The following CPXM2 variants were observed in gnomAD, a reference collection of about 807,000 sequenced individuals.
CPXM2 encodes the protein carboxypeptidase X, M14 family member 2.
Under a neutral mutation model 86.1 loss-of-function variants are expected in CPXM2, and 66 were observed. The ratio of observed to expected loss-of-function variants is 0.77; its 90% CI spans 0.63 to 0.94. CPXM2 has a LOEUF of 0.94. CPXM2 is among the 40% of genes least tolerant of loss of function. The pLI is 0.00. For synonymous variants in CPXM2, 388 were observed against 400.2 expected (o/e 0.97, Z 0.36); for missense variants, 948 against 1,026.3 (o/e 0.92, Z 1.04).
intron 3 of CPXM2, among the ~76,000 whole-genome samples, chr10:123,861,484 A>G (rs1045516435): frequency 6.6e-6 from 1 of 152,182 alleles, no homozygotes; most frequent in African/African-American, 2.4e-5. Flanking sequence ...GAACCTGTGC[A>G]TATATTAGAT....
At chr10:123,799,471 C>A (rs1847405745) in intron 4 of CPXM2, among the ~76,000 whole-genome samples, 1 of 152,200 alleles carries the variant, frequency 6.6e-6, no homozygotes, top group African/African-American at 2.4e-5. Context: ...TCACTTAGAA[C>A]AAGGCCTAGC....
rs781155643 is a variant in CPXM2, at chr10:123,762,021, G to T, written c.1628C>A (p.Pro543His). Residue 543 changes from proline to histidine, a missense_variant, in exon 11 of 14, where the codon CCC (proline) becomes CAC (histidine). Physicochemically the swap from Pro to His is moderately conservative, Grantham distance 77. Transcript: ENST00000241305. ...PWKTQEHTPT[P>H]DDHVFRWLAY... ...CAGCCAGCGGAACACGTGGTCGTCGGGGGTGGGGGTGTGTTCCTGCGTCTT... is the reference window on the plus strand; with the variant it reads ...CAGCCAGCGGAACACGTGGTCGTCGTGGGTGGGGGTGTGTTCCTGCGTCTT... The T allele has an allele frequency of 6.2e-7, 1 of 1,612,252 alleles. No individual in the cohort carries two copies. Among genetic ancestry groups the T allele is most frequent in the East Asian group, 2.2e-5 (1 of 44,866 alleles).
In CPXM2 at chr10:123,817,699, T is replaced by C. The variant is rs528700588; in HGVS notation, c.654-18500A>G. ...TGGTCTCCACTCCTGCCACCCTGCC[T>C]TCTCTCCCCCAGACTGCATCGATAG... On this transcript the variant is annotated intron_variant, in intron 4 of 13. Transcript: ENST00000241305. Among the ~76,000 whole-genome samples the C allele has an allele frequency of 4.6e-5, 7 of 152,304 alleles. No homozygotes were observed. In the South Asian group the frequency reaches 1.5e-3, roughly 32 times the overall value.
chr10:123,857,078 G>A (rs1848741865), intron 3 of CPXM2, among the ~76,000 whole-genome samples: 3 of 152,152 alleles, frequency 2.0e-5, no homozygotes, highest in Admixed American at 1.3e-4. Flanking sequence ...TCATAGGTGA[G>A]GGGCCGAACT....
intron 2 of CPXM2, among the ~76,000 whole-genome samples, chr10:123,936,260 A>G (rs2134291508): frequency 6.6e-6 from 1 of 152,322 alleles, no homozygotes; most frequent in East Asian, 1.9e-4. Flanking sequence ...TTCCAAAGCC[A>G]CCAGGGAGTA....
In CPXM2 at chr10:123,815,360, G is replaced by A. The variant is rs570936063; in HGVS notation, c.654-16161C>T. ...CTCTCATCATGTGAGTGGCTGACCT[G>A]CAATGAAAGGTGCATACACAGCCTC... On this transcript the variant is annotated intron_variant, in intron 4 of 13. Coordinates refer to ENST00000241305, the MANE Select transcript of CPXM2 (RefSeq NM_198148.3). Among the ~76,000 whole-genome samples, 21 of 152,284 alleles carry A rather than the reference G, an allele frequency of 1.4e-4. 1 individual carries two copies. Among genetic ancestry groups the A allele is most frequent in the Middle Eastern group, 3.4e-3 (1 of 294 alleles).
intron 4 of CPXM2, among the ~76,000 whole-genome samples, chr10:123,832,537 TG>T (rs1465016030): frequency 2.0e-5 from 3 of 151,446 alleles, no homozygotes; most frequent in African/African-American, 4.9e-5. Context: ...TATTAAGAGG[TG>T]GGGGTAGGCT....
intron 2 of CPXM2, among the ~76,000 whole-genome samples, chr10:123,920,073 A>T (rs368194493): frequency 6.6e-6 from 1 of 152,168 alleles, no homozygotes; most frequent in African/African-American, 2.4e-5. Flanking sequence ...GCAGGGGATA[A>T]ATTTCAACAT....
chr10:123,860,022 G>A (rs1848818967), intron 3 of CPXM2, among the ~76,000 whole-genome samples: 1 of 152,174 alleles, frequency 6.6e-6, no homozygotes, highest in African/African-American at 2.4e-5. Context: ...TGTTGCAGGT[G>A]CTATTCTGCA....
intron 3 of CPXM2, among the ~76,000 whole-genome samples, chr10:123,858,605 G>C (rs1275499500): frequency 6.6e-6 from 1 of 152,184 alleles, no homozygotes; most frequent in Non-Finnish European, 1.5e-5. Context: ...CCCTGTGTCT[G>C]TTTTTCTATA....
intron 2 of CPXM2, among the ~76,000 whole-genome samples, chr10:123,902,254 C>G (rs1297230485): frequency 6.6e-6 from 1 of 152,196 alleles, no homozygotes; most frequent in Non-Finnish European, 1.5e-5. Flanking sequence ...GGGGAGTAAT[C>G]TGACATGGGC....
chr10:123,917,503 C>T (rs1000725243), intron 2 of CPXM2, among the ~76,000 whole-genome samples: 5 of 152,178 alleles, frequency 3.3e-5, no homozygotes, highest in South Asian at 2.1e-4. Flanking sequence ...ATTCATTTGA[C>T]GTTTTTCTTG....
At chr10:123,938,470 G>C (rs1487160165) in intron 2 of CPXM2, among the ~76,000 whole-genome samples, 2 of 152,172 alleles carry the variant, frequency 1.3e-5, no homozygotes, top group African/African-American at 2.4e-5. Flanking sequence ...GAGAGGAGGA[G>C]AGTAGCTCTT....
intron 2 of CPXM2, among the ~76,000 whole-genome samples, chr10:123,929,920 C>T (rs369440079): frequency 5.9e-5 from 9 of 152,346 alleles, no homozygotes; most frequent in Middle Eastern, 3.4e-3. Context: ...TTGGGTAGGG[C>T]GTCCCTGGTG....
At chr10:123,795,746 C>G (rs1333048179) in intron 6 of CPXM2, among the ~76,000 whole-genome samples, 1 of 152,072 alleles carries the variant, frequency 6.6e-6, no homozygotes, top group Non-Finnish European at 1.5e-5. Flanking sequence ...GAAAATAGAA[C>G]CATTCTGAGT....
At chr10:123,919,017 C>T (rs1590122113) in intron 2 of CPXM2, among the ~76,000 whole-genome samples, 1 of 149,660 alleles carries the variant, frequency 6.7e-6, no homozygotes, top group African/African-American at 2.5e-5. Flanking sequence ...GAAGAGGAGG[C>T]AGCTGAAGAA....
At chr10:123,931,943 A>G (rs1251938706) in intron 2 of CPXM2, among the ~76,000 whole-genome samples, 2 of 152,228 alleles carry the variant, frequency 1.3e-5, no homozygotes, top group African/African-American at 4.8e-5. Flanking sequence ...TGGATGCTTT[A>G]CTATGAAGTA....
chr10:123,780,827 A>G (rs920720504), intron 6 of CPXM2, among the ~76,000 whole-genome samples: 4 of 152,142 alleles, frequency 2.6e-5, no homozygotes, highest in African/African-American at 9.7e-5. Flanking sequence ...CCCCAGCTCC[A>G]GGGCTCCAAC....
rs1845982662 is a variant in CPXM2, at chr10:123,746,959, C to A, written c.2076G>T (p.Lys692Asn). ...TGGTGGATGCAGTGAAACCTTCGGC[C>A]TTTGCTGTGACCACATACTCTCCAG... ...LNPGEYVVTA[K>N]AEGFTASTKN... Residue 692 changes from lysine to asparagine, a missense_variant, in exon 14 of 14, where the codon AAG becomes AAT. Transcript: ENST00000241305. The A allele has an allele frequency of 6.2e-7, 1 of 1,614,198 alleles. No individual in the cohort carries two copies. The highest frequency in any genetic ancestry group is 8.5e-7 in the Non-Finnish European group (1 of 1,180,036).
Sources: allele counts gnomAD v4.1 joint callset (sites outside exome capture counted in the v4.1 genomes callset), GRCh38; gene constraint gnomAD v4.1.1; transcripts MANE v1.5; gene names NCBI Gene and HGNC (gene_info 2026-07-23, HGNC 2026-07-21).